Variants in RIPK1 observed in about 807,000 individuals in gnomAD.
The protein encoded by RIPK1 is receptor-interacting serine/threonine-protein kinase 1.
In RIPK1, 27 loss-of-function variants were observed where a neutral mutation model predicts 62.4. The ratio of observed to expected loss-of-function variants is 0.43; its 90% CI spans 0.32 to 0.60. The LOEUF (loss-of-function observed/expected upper bound fraction) is 0.60, where lower values mean the gene tolerates loss of function less well. RIPK1 is among the 20% of genes least tolerant of loss of function. The pLI is 0.07. For missense variants in RIPK1, 735 were observed against 831.0 expected (o/e 0.88, Z 1.42); for synonymous variants, 287 against 303.2 (o/e 0.95, Z 0.55).
intron 1 of RIPK1, 65 bp from the exon 2 acceptor site, chr6:3,076,699 C>CATACATATATATCAT (rs759690606): frequency 4.8e-6 from 1 of 209,762 alleles, no homozygotes; most frequent in Non-Finnish European, 7.2e-6. Context: ...AAAAAAAAAA[C>CATACATATATATCAT]ATATATATAT....
chr6:3,111,887 T>C (rs1183819614), intron 10 of RIPK1, among the ~76,000 whole-genome samples: 1 of 152,184 alleles, frequency 6.6e-6, no homozygotes, highest in Non-Finnish European at 1.5e-5. Context: ...GCTGACAATC[T>C]ATAAGATATG....
At chr6:3,086,385 G>C (rs1444795014) in intron 6 of RIPK1, among the ~76,000 whole-genome samples, 1 of 152,168 alleles carries the variant, frequency 6.6e-6, no homozygotes, top group Non-Finnish European at 1.5e-5. Flanking sequence ...TCCCAGAGGG[G>C]CTGTGCCATT....
rs925124622 is a variant in RIPK1, at chr6:3,114,974, A to G, written c.*1635A>G. On this transcript the variant is annotated 3_prime_UTR_variant, in exon 11 of 11. Coordinates refer to ENST00000259808, the MANE Select transcript of RIPK1 (RefSeq NM_001354930.2). This position sits in a 1 kb window ranked among gnomAD's most constrained non-coding sequence, Gnocchi z 5.0. ...CCTGTCCGGTTACTACTTGGCCACC[A>G]CGCAGCCTTGGCTCCTACAGCCCAA... 6.6e-6 allele frequency: 1 copy of G among 152,132 alleles called. No homozygotes were observed. The highest frequency in any genetic ancestry group is 1.5e-5 in the Non-Finnish European group (1 of 68,060). 9.4% of individuals were successfully genotyped at this position (152,132 alleles called of 1,614,324 possible). A position where few individuals can be genotyped will look rare whatever the true frequency, so the allele number is the denominator to read the frequency against.
At chr6:3,080,842 G>A in intron 3 of RIPK1, 137 bp from the exon 4 acceptor site, 1 of 664,326 alleles carries the variant, frequency 1.5e-6, no homozygotes, top group Non-Finnish European at 2.5e-6. Flanking sequence ...AGTGACAGCA[G>A]TACTGTGGTG....
intron 7 of RIPK1, among the ~76,000 whole-genome samples, chr6:3,095,857 T>G (rs1285291592): frequency 6.6e-6 from 1 of 152,062 alleles, no homozygotes; most frequent in African/African-American, 2.4e-5. Context: ...TTTTTTTTTT[T>G]TTTTTGAGGC....
chr6:3,085,004 T>C (rs1759614087), intron 5 of RIPK1, among the ~76,000 whole-genome samples: 1 of 152,246 alleles, frequency 6.6e-6, no homozygotes, highest in South Asian at 2.1e-4. Flanking sequence ...AGCATGCCAT[T>C]GGCCTTGCCC....
intron 7 of RIPK1, among the ~76,000 whole-genome samples, chr6:3,100,335 A>G (rs1266490461): frequency 2.6e-5 from 4 of 151,946 alleles, no homozygotes; most frequent in Non-Finnish European, 5.9e-5. Flanking sequence ...GAGGCATGAG[A>G]ATTGCTTGAA....
intron 5 of RIPK1, among the ~76,000 whole-genome samples, chr6:3,084,845 A>C (rs953396341): frequency 8.6e-5 from 13 of 151,514 alleles, no homozygotes; most frequent in Non-Finnish European, 1.8e-4. Flanking sequence ...GCCTGTCTCA[A>C]CCTCCCAAAG....
At chr6:3,094,757 A>G (rs1760196250) in intron 7 of RIPK1, among the ~76,000 whole-genome samples, 1 of 152,100 alleles carries the variant, frequency 6.6e-6, no homozygotes, top group Admixed American at 6.5e-5. Flanking sequence ...GGTTATTCGA[A>G]AGGCTAATAC....
chr6:3,078,932 G>A (rs1248276695), intron 3 of RIPK1, among the ~76,000 whole-genome samples: 1 of 151,514 alleles, frequency 6.6e-6, no homozygotes, highest in Non-Finnish European at 1.5e-5. Flanking sequence ...TTTTGTAAGA[G>A]AACAAGGTCT....
chr6:3,070,888 G>A (rs1758678448), intron 1 of RIPK1, among the ~76,000 whole-genome samples: 1 of 152,182 alleles, frequency 6.6e-6, no homozygotes. Context: ...ATGTATTAGT[G>A]AGCCAATAGT....
chr6:3,068,355 C>G (rs1283133134), upstream of RIPK1: 3 of 985,340 alleles, frequency 3.0e-6, no homozygotes, highest in Admixed American at 6.1e-5. Flanking sequence ...CGCTTGAAAA[C>G]AAAGTCCGCG....
chr6:3,085,143 C>G (rs1759622032), intron 5 of RIPK1, 116 bp from the exon 6 acceptor site: 1 of 1,057,348 alleles, frequency 9.5e-7, no homozygotes, highest in Admixed American at 1.9e-5. Flanking sequence ...CCATTCCACT[C>G]TATGGAATGA....
intron 7 of RIPK1, among the ~76,000 whole-genome samples, chr6:3,094,608 G>A (rs574815388): frequency 6.8e-6 from 1 of 147,474 alleles, no homozygotes; most frequent in African/African-American, 2.5e-5. Context: ...TATGAAGAAA[G>A]GCTGAAAATT....
At chr6:3,070,641 T>C (rs1473578372) in intron 1 of RIPK1, among the ~76,000 whole-genome samples, 1 of 151,802 alleles carries the variant, frequency 6.6e-6, no homozygotes, top group East Asian at 1.9e-4. Context: ...CTTCACCACG[T>C]TGGCCAATCT....
At chr6:3,082,942 G>A (rs1759476146) in intron 4 of RIPK1, 143 bp from the exon 5 acceptor site, 2 of 710,248 alleles carry the variant, frequency 2.8e-6, no homozygotes, top group Non-Finnish European at 2.5e-6. Flanking sequence ...TTGAGAAGTC[G>A]CTGTTTTGAA....
intron 6 of RIPK1, among the ~76,000 whole-genome samples, chr6:3,086,238 A>C (rs1759684018): frequency 6.6e-6 from 1 of 152,254 alleles, no homozygotes; most frequent in South Asian, 2.1e-4. Flanking sequence ...GTTGGGACTA[A>C]TGCAGCTGTA....
At chr6:3,106,414 C>T (rs1420127704) in intron 9 of RIPK1, among the ~76,000 whole-genome samples, 2 of 152,202 alleles carry the variant, frequency 1.3e-5, no homozygotes, top group African/African-American at 4.8e-5. Context: ...GGTAAGAAAT[C>T]AGTCTTGGAT....
At chr6:3,095,920 C>T (rs1760266494) in intron 7 of RIPK1, among the ~76,000 whole-genome samples, 2 of 150,504 alleles carry the variant, frequency 1.3e-5, no homozygotes, top group African/African-American at 2.4e-5. Flanking sequence ...TCACGGCTTA[C>T]TGTATCCTTG....
Sources: allele counts gnomAD v4.1 joint callset (sites outside exome capture counted in the v4.1 genomes callset), GRCh38; gene constraint gnomAD v4.1.1; non-coding constraint Gnocchi (gnomAD v3.1); transcripts MANE v1.5; gene names NCBI Gene and HGNC (gene_info 2026-07-23, HGNC 2026-07-21).